CACHD1: variants seen among roughly 807,000 people sequenced by gnomAD.
CACHD1 encodes cache domain containing 1.
In CACHD1, 71 loss-of-function variants were observed where a neutral mutation model predicts 138.7. The observed-to-expected ratio is 0.51, with a 90% CI of 0.42 to 0.62. The LOEUF is 0.62. Among genes scored for constraint, CACHD1 ranks in the 20% least tolerant of loss-of-function variants. The pLI, the probability that CACHD1 is intolerant of heterozygous loss-of-function variation, is 0.00. For missense variants in CACHD1, 1,389 were observed against 1,625.3 expected (o/e 0.85, Z 2.50); for synonymous variants, 578 against 591.5 (o/e 0.98, Z 0.33).
At chr1:64,585,875 T>G (rs980711297) in intron 3 of CACHD1, among the ~76,000 whole-genome samples, 1 of 152,196 alleles carries the variant, frequency 6.6e-6, no homozygotes, top group East Asian at 1.9e-4. Context: ...CACAAGCACT[T>G]TGTAAAATTA....
intron 2 of CACHD1, among the ~76,000 whole-genome samples, chr1:64,569,119 C>CCTAAAGAGAG (rs1380596603): frequency 3.2e-4 from 48 of 152,022 alleles, no homozygotes; most frequent in African/African-American, 1.1e-3. Context: ...TGGGGTCTCT[C>CCTAAAGAGAG]CATGTTGGTC....
At chr1:64,632,881 A>G in intron 6 of CACHD1, 138 bp downstream of exon 6, 2 of 1,067,832 alleles carry the variant, frequency 1.9e-6, no homozygotes, top group Non-Finnish European at 2.7e-6. Context: ...TCATAAGTTG[A>G]AAATGCATTT....
At chr1:64,482,963 A>G (rs1646219757) in intron 1 of CACHD1, among the ~76,000 whole-genome samples, 1 of 152,198 alleles carries the variant, frequency 6.6e-6, no homozygotes, top group Non-Finnish European at 1.5e-5. Flanking sequence ...AAAAATGTCT[A>G]GACCACAGAC....
Position 64,634,229 on chromosome 1 carries a change from A to T in CACHD1, c.975A>T (p.Arg325=), listed in dbSNP as rs1229759576. ...TCCAAAAGGCATTTCAGCTGATTCG[A>T]AGTACAAACAATAACACAAAGTTCC... The part of the protein sequence containing the change: ...VGFQKAFQLI[R]STNNNTKFQA... The change falls in exon 7 of 27, where the codon CGA becomes CGT. Residue 325 remains arginine, a synonymous_variant. Transcript: ENST00000651257. 20 of 1,614,000 alleles carry T rather than the reference A, an allele frequency of 1.2e-5. 1 individual carries two copies. The East Asian group carries it at 4.5e-4, about 36-fold the overall frequency.
At position 64,516,730 on chromosome 1, in the gene CACHD1, ATTG is replaced by A. The variant is rs1162281450; in HGVS notation, c.199-33861_199-33859del. On this transcript the variant is annotated intron_variant, in intron 1 of 26. Transcript: ENST00000651257. ...GAACCCAGGTTTTTATCTTCTTATT[ATTG>A]TTCTTTCTACTATACCATAAAGCAT... 2.6e-5 allele frequency among the ~76,000 whole-genome samples: 4 copies of A among 152,252 alleles called. No individual in the cohort carries two copies. In the East Asian group the frequency reaches 5.8e-4, roughly 22 times the overall value.
At chr1:64,554,571 A>G (rs939413562) in intron 2 of CACHD1, among the ~76,000 whole-genome samples, 13 of 152,230 alleles carry the variant, frequency 8.5e-5, no homozygotes, top group Non-Finnish European at 1.9e-4. Flanking sequence ...CTGAAATGGT[A>G]TCAGGCGAGT....
intron 1 of CACHD1, among the ~76,000 whole-genome samples, chr1:64,497,994 G>A (rs1208011888): frequency 1.3e-5 from 2 of 152,196 alleles, no homozygotes; most frequent in Non-Finnish European, 2.9e-5. Context: ...GGGCGTGGTG[G>A]TGCGTGCCTG....
At chr1:64,566,491 A>ACCCC (rs1267716836) in intron 2 of CACHD1, among the ~76,000 whole-genome samples, 2 of 116,046 alleles carry the variant, frequency 1.7e-5, no homozygotes, top group South Asian at 3.2e-4. Flanking sequence ...CCCCCCCCCC[A>ACCCC]CAAGGTATGG....
chr1:64,569,928 C>A (rs1019699647), intron 2 of CACHD1, among the ~76,000 whole-genome samples: 3 of 152,128 alleles, frequency 2.0e-5, no homozygotes, highest in African/African-American at 7.2e-5. Flanking sequence ...CATGCATTTC[C>A]AATATCTCAA....
chr1:64,530,729 G>C (rs1646576137), intron 1 of CACHD1, among the ~76,000 whole-genome samples: 1 of 151,976 alleles, frequency 6.6e-6, no homozygotes, highest in African/African-American at 2.4e-5. Context: ...AAATTAGCCA[G>C]ACATGGTGGT....
intron 2 of CACHD1, among the ~76,000 whole-genome samples, chr1:64,576,907 G>T (rs59567694): frequency 0.16 from 22,414 of 140,882 alleles, 1,790 homozygotes; most frequent in Admixed American, 0.23. Context: ...TTGTTTGTTT[G>T]TTTTTTTTTT....
At chr1:64,525,737 T>TTTCTTTAGGTAATGGCAACATTGCA (rs1646533428) in intron 1 of CACHD1, among the ~76,000 whole-genome samples, 1 of 152,182 alleles carries the variant, frequency 6.6e-6, no homozygotes, top group Admixed American at 6.5e-5. Context: ...AGGGCAACAT[T>TTTCTTTAGGTAATGGCAACATTGCA]TTCTTTAGGT....
At chr1:64,643,795 A>C (rs977588448) in intron 8 of CACHD1, among the ~76,000 whole-genome samples, 1 of 152,144 alleles carries the variant, frequency 6.6e-6, no homozygotes, top group African/African-American at 2.4e-5. Flanking sequence ...CCGAGATTGC[A>C]CCACTGCACT....
At chr1:64,587,857 T>C (rs1306363451) in intron 3 of CACHD1, among the ~76,000 whole-genome samples, 1 of 152,182 alleles carries the variant, frequency 6.6e-6, no homozygotes, top group Non-Finnish European at 1.5e-5. Context: ...TACAGGCATA[T>C]TTTTTTCGGC....
intron 12 of CACHD1, 86 bp downstream of exon 12, chr1:64,654,889 A>C (rs1378741942): frequency 2.1e-6 from 2 of 950,486 alleles, no homozygotes; most frequent in East Asian, 4.9e-5. Flanking sequence ...AGGGGGTGGC[A>C]CTTGGGTCTG....
At chr1:64,542,655 A>C (rs762396818) in intron 1 of CACHD1, among the ~76,000 whole-genome samples, 1 of 152,172 alleles carries the variant, frequency 6.6e-6, no homozygotes. Context: ...TATTATTTAC[A>C]GGCAAGCCCT....
chr1:64,648,823 C>T (rs1346105263), intron 9 of CACHD1, among the ~76,000 whole-genome samples: 1 of 152,144 alleles, frequency 6.6e-6, no homozygotes, highest in Non-Finnish European at 1.5e-5. Context: ...ACAACATTTT[C>T]CTCAAGGCAG....
At chr1:64,653,977 G>A (rs1215596033) in intron 11 of CACHD1, 96 bp downstream of exon 11, 12 of 1,063,182 alleles carry the variant, frequency 1.1e-5, no homozygotes, top group African/African-American at 1.6e-5. Flanking sequence ...TAAAACAAGT[G>A]TATAAATTAT....
At chr1:64,563,141 C>A in intron 2 of CACHD1, among the ~76,000 whole-genome samples, 1 of 146,454 alleles carries the variant, frequency 6.8e-6, no homozygotes, top group Non-Finnish European at 1.5e-5. Flanking sequence ...AATTTTTCTG[C>A]CCCACCCCCA....
Sources: allele counts gnomAD v4.1 joint callset (sites outside exome capture counted in the v4.1 genomes callset), GRCh38; gene constraint gnomAD v4.1.1; transcripts MANE v1.5; gene names NCBI Gene and HGNC (gene_info 2026-07-23, HGNC 2026-07-21).